Variants in DCDC2 observed in about 807,000 individuals in gnomAD.
DCDC2 encodes the protein doublecortin domain-containing protein 2.
DCDC2 carries 40 observed loss-of-function variants against 50.2 expected under a neutral mutation model. The ratio of observed to expected loss-of-function variants is 0.80; its 90% CI spans 0.62 to 1.04. The LOEUF (loss-of-function observed/expected upper bound fraction) is 1.04, where lower values mean the gene tolerates loss of function less well. Ranked by LOEUF, DCDC2 falls within the 50% of genes least tolerant of loss-of-function variation. The pLI, the probability that DCDC2 is intolerant of heterozygous loss-of-function variation, is 0.00. For missense variants in DCDC2, 570 were observed against 581.9 expected, an observed-to-expected ratio of 0.98 and a Z score of 0.21; for synonymous variants, 234 against 210.6, an observed-to-expected ratio of 1.11 and a Z score of -0.96.
intron 6 of DCDC2, among the ~76,000 whole-genome samples, chr6:24,288,353 G>C (rs1763662845): frequency 6.6e-6 from 1 of 152,206 alleles, no homozygotes; most frequent in Non-Finnish European, 1.5e-5. Flanking sequence ...CTCCCACAGA[G>C]TAGGTATTTA....
At chr6:24,351,212 C>G (rs1407503281) in intron 2 of DCDC2, among the ~76,000 whole-genome samples, 1 of 152,196 alleles carries the variant, frequency 6.6e-6, no homozygotes, top group Non-Finnish European at 1.5e-5. Flanking sequence ...AAAGTAGGGG[C>G]TGCCTTTGCT....
At chr6:24,248,092 C>T (rs1178225818) in intron 7 of DCDC2, among the ~76,000 whole-genome samples, 1 of 151,928 alleles carries the variant, frequency 6.6e-6, no homozygotes, top group Non-Finnish European at 1.5e-5. Context: ...TATTAAAAAA[C>T]AAAAATAAAA....
At chr6:24,238,776 C>G (rs1243288476) in intron 7 of DCDC2, among the ~76,000 whole-genome samples, 1 of 152,138 alleles carries the variant, frequency 6.6e-6, no homozygotes, top group Admixed American at 6.5e-5. Flanking sequence ...ATGTCCTCCA[C>G]GCAGTTCTGC....
intron 2 of DCDC2, among the ~76,000 whole-genome samples, chr6:24,351,200 T>G (rs991878934): frequency 5.3e-5 from 8 of 152,296 alleles, no homozygotes; most frequent in African/African-American, 1.9e-4. Context: ...TTTCTGGCAA[T>G]GAAAGTAGGG....
intron 2 of DCDC2, among the ~76,000 whole-genome samples, chr6:24,306,537 GAT>G (rs1759477981): frequency 7.0e-6 from 1 of 142,642 alleles, no homozygotes; most frequent in African/African-American, 2.8e-5. Flanking sequence ...TAGATAGATA[GAT>G]AGATAGACAG....
intron 8 of DCDC2, among the ~76,000 whole-genome samples, chr6:24,180,324 G>A (rs1046652705): frequency 3.3e-5 from 5 of 151,544 alleles, no homozygotes; most frequent in African/African-American, 9.7e-5. Flanking sequence ...TTGCTCTGTC[G>A]CCCTGGCTGG....
intron 7 of DCDC2, among the ~76,000 whole-genome samples, chr6:24,267,709 A>G (rs192083358): frequency 1.3e-5 from 2 of 152,330 alleles, no homozygotes; most frequent in Non-Finnish European, 2.9e-5. Flanking sequence ...AAAATGCAAG[A>G]TAACATCTGT....
At chr6:24,186,736 T>A (rs750637553) in intron 8 of DCDC2, among the ~76,000 whole-genome samples, 4 of 152,174 alleles carry the variant, frequency 2.6e-5, no homozygotes, top group Non-Finnish European at 2.9e-5. Context: ...CTGAATATTA[T>A]CCATCTGTTA....
At chr6:24,217,114 T>C (rs1761999883) in intron 7 of DCDC2, among the ~76,000 whole-genome samples, 1 of 152,060 alleles carries the variant, frequency 6.6e-6, no homozygotes, top group Admixed American at 6.6e-5. Flanking sequence ...TCAGAAGGCT[T>C]CCTAAAAATT....
intron 7 of DCDC2, among the ~76,000 whole-genome samples, chr6:24,232,683 G>C (rs1762361001): frequency 6.6e-6 from 1 of 152,112 alleles, no homozygotes; most frequent in Non-Finnish European, 1.5e-5. Context: ...ATATTATTTT[G>C]ATGGGTTGAA....
chr6:24,235,447 C>G (rs1762423984), intron 7 of DCDC2, among the ~76,000 whole-genome samples: 1 of 152,172 alleles, frequency 6.6e-6, no homozygotes, highest in South Asian at 2.1e-4. Context: ...GGTTAATTCA[C>G]CACAATCAAG....
intron 2 of DCDC2, among the ~76,000 whole-genome samples, chr6:24,307,980 C>T (rs1759503790): frequency 6.6e-6 from 1 of 152,264 alleles, no homozygotes; most frequent in East Asian, 1.9e-4. Context: ...TCTTCAGCTG[C>T]TTTCATCCCC....
At chr6:24,210,019 G>GGGGTGTGT (rs1360438467) in intron 7 of DCDC2, among the ~76,000 whole-genome samples, 48 of 145,272 alleles carry the variant, frequency 3.3e-4, no homozygotes, top group African/African-American at 7.1e-4. Flanking sequence ...GCAGTATCAG[G>GGGGTGTGT]GTGTGTGTGT....
the DCDC2 span, among the ~76,000 whole-genome samples, chr6:24,377,123 C>A: frequency 6.6e-6 from 1 of 152,202 alleles, no homozygotes; most frequent in African/African-American, 2.4e-5. Flanking sequence ...CAACCACAGC[C>A]AAATTCACTG....
At position 24,216,217 on chromosome 6, in the gene DCDC2, C is replaced by T. The variant is rs574208829; in HGVS notation, c.923-11115G>A. Among the ~76,000 whole-genome samples the T allele has an allele frequency of 4.6e-5, 7 of 151,824 alleles. No homozygotes were observed. The East Asian group carries it at 1.4e-3, about 30-fold the overall frequency. On this transcript the variant is annotated intron_variant, in intron 7 of 9. Coordinates refer to ENST00000378454, the MANE Select transcript of DCDC2 (RefSeq NM_016356.5). ...ATTGATAAAGTCATGGGTTTCAGAA[C>T]TTGGGGTGAAAATAGAAAATGGTTA... is the stretch of plus-strand genomic sequence containing the variant.
intron 7 of DCDC2, among the ~76,000 whole-genome samples, chr6:24,236,783 G>T (rs1333089067): frequency 3.3e-5 from 5 of 152,134 alleles, no homozygotes; most frequent in Non-Finnish European, 7.4e-5. Flanking sequence ...GTTGAGGCGG[G>T]TGGATCACCT....
intron 8 of DCDC2, among the ~76,000 whole-genome samples, chr6:24,188,431 A>C (rs2113748469): frequency 6.6e-6 from 1 of 151,934 alleles, no homozygotes; most frequent in Admixed American, 6.6e-5. Flanking sequence ...TTCTGGCCAT[A>C]AAGACAGTTC....
intron 6 of DCDC2, among the ~76,000 whole-genome samples, chr6:24,280,119 A>T (rs571012833): frequency 1.3e-5 from 2 of 152,360 alleles, no homozygotes; most frequent in Admixed American, 6.5e-5. Context: ...TTATATATTC[A>T]GTCATCCAGA....
Position 24,174,440 on chromosome 6 carries a change from T to C in DCDC2, c.*290A>G, listed in dbSNP as rs991854154. On this transcript the variant is annotated 3_prime_UTR_variant, in exon 10 of 10. Coordinates refer to ENST00000378454, the MANE Select transcript of DCDC2 (RefSeq NM_016356.5). The stretch of plus-strand genomic sequence containing the variant: ...AAAGCGTACAATAAGAGTGATCCTA[T>C]TTTTCATCCTTTACAAGTGGCAATT... 5.1e-6 allele frequency: 1 copy of C among 195,248 alleles called. No individual in the cohort carries two copies. Among genetic ancestry groups the C allele is most frequent in the African/African-American group, 3.3e-5 (1 of 30,580 alleles). The allele number at this position is 195,248 out of a possible 1,614,324, so 12.1% of individuals were successfully genotyped here.
Sources: allele counts gnomAD v4.1 joint callset (sites outside exome capture counted in the v4.1 genomes callset), GRCh38; gene constraint gnomAD v4.1.1; transcripts MANE v1.5; gene names NCBI Gene and HGNC (gene_info 2026-07-23, HGNC 2026-07-21).